The following PRPH2 variants were observed in gnomAD, a reference collection of about 807,000 sequenced individuals.
The protein encoded by PRPH2 is peripherin-2.
In PRPH2, 17 loss-of-function variants were observed where a neutral mutation model predicts 31.3. That is an observed-to-expected ratio of 0.54 (90% CI 0.37 to 0.81). The LOEUF (loss-of-function observed/expected upper bound fraction) is 0.81, where lower values mean the gene tolerates loss of function less well. Ranked by LOEUF, PRPH2 falls within the 40% of genes least tolerant of loss-of-function variation. The pLI, the probability that PRPH2 is intolerant of heterozygous loss-of-function variation, is 0.00. For missense variants in PRPH2, 430 were observed against 439.7 expected (o/e 0.98, Z 0.20); for synonymous variants, 165 against 184.4 (o/e 0.89, Z 0.85).
chr6:42,699,168 T>C (rs988429480), intron 2 of PRPH2, among the ~76,000 whole-genome samples: 1 of 151,828 alleles, frequency 6.6e-6, no homozygotes, highest in African/African-American at 2.4e-5. Flanking sequence ...TTCTCATGCA[T>C]CAGCCTCTTG....
intron 1 of PRPH2, among the ~76,000 whole-genome samples, chr6:42,710,461 C>T (rs181901087): frequency 2.2e-3 from 337 of 152,306 alleles, no homozygotes; most frequent in African/African-American, 7.9e-3. Context: ...ATCCCTCCCC[C>T]ACTCCAAACA....
Position 42,698,312 on chromosome 6 carries a change from C to A in PRPH2, c.1024G>T (p.Ala342Ser), listed in dbSNP as rs1799983757. 3.7e-6 allele frequency: 6 copies of A among 1,613,806 alleles called. No homozygotes were observed. Among genetic ancestry groups the A allele is most frequent in the Non-Finnish European group, 5.1e-6 (6 of 1,179,836 alleles). The part of the protein sequence containing the change: ...VEAEGADAGQ[A>S]PEAG ...CAGGGCCCTCAGCCAGCCTCTGGGG[C>A]CTGGCCTGCGTCTGCGCCCTCGGCT... Residue 342 changes from alanine (A) to serine (S), a missense_variant, in exon 3 of 3, where the codon GCC (alanine) becomes TCC (serine). Physicochemically the swap from Ala to Ser is moderately conservative, Grantham distance 99. Coordinates refer to ENST00000230381, the MANE Select transcript of PRPH2 (RefSeq NM_000322.5).
rs1203189231 is a variant in PRPH2, at chr6:42,704,439, C to A, written c.754G>T (p.Ala252Ser). Residue 252 changes from alanine (A) to serine (S), a missense_variant, in exon 2 of 3, where the codon GCT (alanine) becomes TCT (serine). Ala to Ser is a moderately conservative substitution (Grantham distance 99). Coordinates refer to ENST00000230381, the MANE Select transcript of PRPH2 (RefSeq NM_000322.5). Reference sequence around the variant, plus strand: ...CTGCTGTAGTAGCTCAGCAGGGCAGCCCTGCAGCCACGCACCCACAGGTTG... The same window carrying A: ...CTGCTGTAGTAGCTCAGCAGGGCAGACCTGCAGCCACGCACCCACAGGTTG... ...ELNLWVRGCR[A>S]ALLSYYSSLM... 6.2e-7 allele frequency: 1 copy of A among 1,612,106 alleles called. No homozygotes were observed. Among genetic ancestry groups the A allele is most frequent in the Non-Finnish European group, 8.5e-7 (1 of 1,179,194 alleles).
chr6:42,698,655 C>A (rs1046477963), intron 2 of PRPH2, 148 bp from the exon 3 acceptor site: 7 of 1,128,066 alleles, frequency 6.2e-6, no homozygotes, highest in Non-Finnish European at 9.0e-6. Flanking sequence ...GCCTGCCCCA[C>A]GCTGCCCTGT....
intron 1 of PRPH2, among the ~76,000 whole-genome samples, chr6:42,708,839 T>C (rs1260431610): frequency 6.6e-5 from 10 of 152,198 alleles, no homozygotes; most frequent in Admixed American, 6.5e-4. Flanking sequence ...CAGCTGCCTC[T>C]CAGGGGTTAT....
intron 2 of PRPH2, among the ~76,000 whole-genome samples, chr6:42,701,512 G>A (rs1490757673): frequency 1.3e-5 from 2 of 150,826 alleles, no homozygotes; most frequent in African/African-American, 4.9e-5. Flanking sequence ...TCCTGCCTTA[G>A]CCTCCCAAAT....
At chr6:42,708,574 C>T (rs953373576) in intron 1 of PRPH2, among the ~76,000 whole-genome samples, 1 of 152,188 alleles carries the variant, frequency 6.6e-6, no homozygotes, top group Admixed American at 6.5e-5. Context: ...TGGTCTCTCC[C>T]TTCTTCCCCC....
At chr6:42,699,521 C>T (rs186588252) in intron 2 of PRPH2, among the ~76,000 whole-genome samples, 352 of 152,308 alleles carry the variant, frequency 2.3e-3, no homozygotes, top group African/African-American at 8.3e-3. Context: ...TCACTTTATT[C>T]ATCCGGTTTG....
At chr6:42,711,279 C>A (rs1761636413) in intron 1 of PRPH2, among the ~76,000 whole-genome samples, 1 of 152,192 alleles carries the variant, frequency 6.6e-6, no homozygotes, top group South Asian at 2.1e-4. Flanking sequence ...GCCTCCAGAA[C>A]AGTAAGAAAT....
In PRPH2 at chr6:42,698,317, CCTGCGT is replaced by C. The variant is rs774283806; in HGVS notation, c.1013_1018del (p.Asp338_Ala339del). 25 of 1,613,912 alleles carry C rather than the reference CCTGCGT, an allele frequency of 1.5e-5. No homozygotes were observed. The highest frequency in any genetic ancestry group is 2.1e-5 in the Non-Finnish European group (25 of 1,179,874). ...CCCTCAGCCAGCCTCTGGGGCCTGG[CCTGCGT>C]CTGCGCCCTCGGCTTCCACCTGGTT... On this transcript the variant is annotated inframe_deletion, in exon 3 of 3. Coordinates refer to ENST00000230381, the MANE Select transcript of PRPH2 (RefSeq NM_000322.5).
intron 1 of PRPH2, among the ~76,000 whole-genome samples, chr6:42,711,418 C>A (rs1761638368): frequency 1.3e-5 from 2 of 152,234 alleles, no homozygotes; most frequent in African/African-American, 4.8e-5. Flanking sequence ...GGAGACACAG[C>A]CCCGTCCTCA....
At chr6:42,699,636 C>T (rs888153624) in intron 2 of PRPH2, among the ~76,000 whole-genome samples, 4 of 152,164 alleles carry the variant, frequency 2.6e-5, no homozygotes, top group African/African-American at 9.7e-5. Flanking sequence ...GTAATCCCGG[C>T]ACTTTGGGAG....
At position 42,708,486 on chromosome 6, in the gene PRPH2, G is replaced by A. The variant is rs184071304; in HGVS notation, c.582-3875C>T. ...GCAGTGTGAGGGGGGCCTTCAGCTCGGGCCTCCCGCTCCCCTCTACTGGCC... is the reference window on the plus strand; with the variant it reads ...GCAGTGTGAGGGGGGCCTTCAGCTCAGGCCTCCCGCTCCCCTCTACTGGCC... On this transcript the variant is annotated intron_variant, in intron 1 of 2. Coordinates refer to ENST00000230381, the MANE Select transcript of PRPH2 (RefSeq NM_000322.5). 3.5e-4 allele frequency among the ~76,000 whole-genome samples: 54 copies of A among 152,318 alleles called. No individual in the cohort carries two copies. The East Asian group carries it at 9.6e-3, about 27-fold the overall frequency.
At chr6:42,699,227 A>T (rs929501520) in intron 2 of PRPH2, among the ~76,000 whole-genome samples, 50 of 151,480 alleles carry the variant, frequency 3.3e-4, no homozygotes, top group Admixed American at 1.5e-3. Flanking sequence ...TAATTTTTGT[A>T]TTTTTTTGTT....
chr6:42,710,529 C>T (rs901719163), intron 1 of PRPH2, among the ~76,000 whole-genome samples: 1 of 152,186 alleles, frequency 6.6e-6, no homozygotes, highest in East Asian at 1.9e-4. Context: ...GCTCCTCTCA[C>T]CCTCTTAAGA....
intron 1 of PRPH2, among the ~76,000 whole-genome samples, chr6:42,719,815 C>G (rs547710013): frequency 6.4e-4 from 96 of 151,086 alleles, no homozygotes; most frequent in African/African-American, 2.2e-3. Flanking sequence ...GTGATCCGCC[C>G]GCCTCGGCCT....
At chr6:42,721,310 A>G (rs1419407559) in intron 1 of PRPH2, among the ~76,000 whole-genome samples, 2 of 152,212 alleles carry the variant, frequency 1.3e-5, no homozygotes, top group African/African-American at 4.8e-5. Flanking sequence ...GTTGGAAAAC[A>G]AGGGAACTAA....
intron 1 of PRPH2, among the ~76,000 whole-genome samples, chr6:42,721,107 T>C (rs910616548): frequency 1.3e-5 from 2 of 152,142 alleles, no homozygotes; most frequent in African/African-American, 2.4e-5. Flanking sequence ...CTTCCAAAAT[T>C]ACCTATTCTA....
chr6:42,718,549 C>T (rs1042527998), intron 1 of PRPH2, among the ~76,000 whole-genome samples: 1 of 152,106 alleles, frequency 6.6e-6, no homozygotes, highest in Non-Finnish European at 1.5e-5. Flanking sequence ...TATCAGACTG[C>T]ACCCTTGGAA....
Sources: gnomAD v4.1 joint callset for allele counts (sites outside exome capture counted in the v4.1 genomes callset) on GRCh38, gnomAD v4.1.1 for gene constraint, MANE v1.5 for transcripts, NCBI Gene and HGNC (gene_info 2026-07-23, HGNC 2026-07-21) for gene names.